Variants in SFTPD observed in about 807,000 individuals in gnomAD.
SFTPD encodes the protein surfactant protein D.
Under a neutral mutation model 34.6 loss-of-function variants are expected in SFTPD, and 18 were observed. The ratio of observed to expected loss-of-function variants is 0.52; its 90% CI spans 0.36 to 0.77. The LOEUF is 0.77. SFTPD is among the 30% of genes least tolerant of loss of function. The probability of loss-of-function intolerance (pLI) is 0.00; values close to 1 mark genes in which losing one functional copy is unlikely to be tolerated. For missense variants in SFTPD, 433 were observed against 468.9 expected (o/e 0.92, Z 0.71); for synonymous variants, 155 against 180.9 (o/e 0.86, Z 1.15).
intron 2 of SFTPD, among the ~76,000 whole-genome samples, chr10:79,946,057 C>T (rs1321751084): frequency 6.7e-6 from 1 of 148,396 alleles, no homozygotes; most frequent in Non-Finnish European, 1.5e-5. Flanking sequence ...CCATGGAGCC[C>T]CATTTTTTTC....
At chr10:79,953,694 G>T (rs1842723716), upstream of SFTPD, among the ~76,000 whole-genome samples, 1 of 151,868 alleles carries the variant, frequency 6.6e-6, no homozygotes, top group South Asian at 2.1e-4. Flanking sequence ...CCTAAATTTG[G>T]GAAGTTTAAA....
intron 1 of SFTPD, among the ~76,000 whole-genome samples, chr10:79,947,021 T>G (rs1477902001): frequency 6.6e-6 from 1 of 152,212 alleles, no homozygotes; most frequent in Non-Finnish European, 1.5e-5. Flanking sequence ...GTTCATTGAG[T>G]GCCTCTGGGC....
chr10:79,978,160 T>C (rs1057104549), intron 1 of SFTPD, among the ~76,000 whole-genome samples: 3 of 152,238 alleles, frequency 2.0e-5, no homozygotes, highest in African/African-American at 4.8e-5. Flanking sequence ...CTGTCCAAGA[T>C]GCAATGCTGT....
chr10:79,944,919 G>A (rs965765171), intron 2 of SFTPD, among the ~76,000 whole-genome samples: 2 of 152,040 alleles, frequency 1.3e-5, no homozygotes, highest in African/African-American at 4.8e-5. Context: ...CTCTGCAGGG[G>A]TGGTTGTCAC....
upstream of SFTPD, among the ~76,000 whole-genome samples, chr10:79,953,675 G>A (rs12245076): frequency 0.15 from 22,262 of 151,768 alleles, 2,067 homozygotes; most frequent in East Asian, 0.41. Flanking sequence ...CTAGATATCT[G>A]TTTCCTTCCC....
rs182707229 is a variant in SFTPD, at chr10:79,938,056, G to T, written c.924C>A (p.Asn308Lys). The T allele has an allele frequency of 6.2e-7, 1 of 1,614,012 alleles. No homozygotes were observed. Among genetic ancestry groups the T allele is most frequent in the Non-Finnish European group, 8.5e-7 (1 of 1,179,988 alleles). Residue 308 changes from asparagine to lysine, a missense_variant, in exon 8 of 8, where the codon AAC (asparagine) becomes AAA (lysine). Transcript: ENST00000372292. ...CAGTCATGCTCAGGAAAGCAGCCTCGTTCTTAGCTACGACCAGCTGTTGCA... is the reference window on the plus strand; with the variant it reads ...CAGTCATGCTCAGGAAAGCAGCCTCTTTCTTAGCTACGACCAGCTGTTGCA... ...AALQQLVVAKNEAAFLSMTDS... is the reference protein window; with the variant it reads ...AALQQLVVAKKEAAFLSMTDS...
chr10:79,952,668 G>C (rs1842716943), upstream of SFTPD, among the ~76,000 whole-genome samples: 3 of 152,132 alleles, frequency 2.0e-5, no homozygotes, highest in Admixed American at 6.5e-5. Flanking sequence ...AGTCTAAGTG[G>C]GTTCTGGGGA....
At chr10:79,960,641 A>G (rs1369722540) in intron 1 of SFTPD, among the ~76,000 whole-genome samples, 5 of 151,534 alleles carry the variant, frequency 3.3e-5, no homozygotes, top group Admixed American at 1.3e-4. Flanking sequence ...CAATGAAATA[A>G]AAGAGGATAC....
chr10:79,959,396 A>G (rs1326120965), intron 1 of SFTPD, among the ~76,000 whole-genome samples: 1 of 152,242 alleles, frequency 6.6e-6, no homozygotes, highest in African/African-American at 2.4e-5. Context: ...ATAGACTGCT[A>G]GCAAGACTAA....
intron 1 of SFTPD, 31 bp from the exon 2 acceptor site, chr10:79,946,693 T>C (rs1444349818): frequency 1.3e-6 from 2 of 1,588,872 alleles, no homozygotes; most frequent in South Asian, 2.2e-5. Context: ...AGAAAAGACA[T>C]GCTTATGCTT....
intron 3 of SFTPD, 36 bp from the exon 4 acceptor site, chr10:79,942,540 A>T: frequency 7.2e-7 from 1 of 1,389,292 alleles, no homozygotes; most frequent in Non-Finnish European, 1.0e-6. Context: ...GTAACAATGA[A>T]TCCTCTTGGC....
In SFTPD at chr10:79,978,651, CAAAAAAAAA is replaced by C. The variant is rs58759979; in HGVS notation, c.36+3915_36+3923del. ...TGGGCAGCAGAGTGACACCCTGTCT[CAAAAAAAAA>C]AAAAAAAAAAAAAAAAAGGTATAGA... On this transcript the variant is annotated intron_variant, in intron 1 of 5. Coordinates refer to the SFTPD transcript ENST00000444384. 5.4e-4 allele frequency among the ~76,000 whole-genome samples: 28 copies of C among 51,976 alleles called. 1 individual carries two copies. The highest frequency in any genetic ancestry group is 2.1e-3 in the African/African-American group (28 of 13,208). The allele number at this position is 51,976 out of a possible 152,430, so 34.1% of individuals were successfully genotyped here.
At position 79,978,191 on chromosome 10, in the gene SFTPD, T is replaced by C. The variant is rs558148537; in HGVS notation, c.36+4384A>G. On this transcript the variant is annotated intron_variant, in intron 1 of 5. Transcript: ENST00000444384. ...GCTGTTTGGTATAATCTATGGGACC[T>C]AACATAGGGGTGCAAGGATGGTTCA... 2.1e-4 allele frequency among the ~76,000 whole-genome samples: 32 copies of C among 152,334 alleles called. No individual in the cohort carries two copies. The South Asian group carries it at 6.2e-3, about 30-fold the overall frequency.
chr10:79,944,843 T>C (rs1842650185), intron 2 of SFTPD, among the ~76,000 whole-genome samples: 2 of 152,210 alleles, frequency 1.3e-5, no homozygotes, highest in South Asian at 4.2e-4. Context: ...CCACCCCTGC[T>C]CAAAGATCTC....
At chr10:79,953,711 A>G (rs7923987), upstream of SFTPD, among the ~76,000 whole-genome samples, 1,442 of 152,072 alleles carry the variant, frequency 9.5e-3, 28 homozygotes, top group African/African-American at 0.033. Flanking sequence ...TAAAGTTACT[A>G]TTTCTTTAAA....
chr10:79,937,983 C>A lies in SFTPD; in HGVS notation c.997G>T (p.Val333Phe). 1 of 1,613,830 alleles carries A rather than the reference C, an allele frequency of 6.2e-7. No homozygotes were observed. Among genetic ancestry groups the A allele is most frequent in the Non-Finnish European group, 8.5e-7 (1 of 1,179,774 alleles). ...TCCCCTGGGGCCCAGTTGGAATAGA[C>A]CAGGGACTCTCCTGTGGGGTAGGTG... Reference protein sequence around the residue: ...KFTYPTGESLVYSNWAPGEPN... With the variant: ...KFTYPTGESLFYSNWAPGEPN... Residue 333 changes from valine (V) to phenylalanine (F), a missense_variant, in exon 8 of 8, where the codon GTC becomes TTC. Val to Phe is a conservative substitution (Grantham distance 50). Coordinates refer to ENST00000372292, the MANE Select transcript of SFTPD (RefSeq NM_003019.5).
intron 7 of SFTPD, 53 bp from the exon 8 acceptor site, chr10:79,938,281 CAG>C: frequency 6.5e-7 from 1 of 1,526,786 alleles, no homozygotes. Flanking sequence ...GGCCAAAGCT[CAG>C]GGGCTGTGAG....
intron 1 of SFTPD, chr10:79,969,490 C>A (rs1842823747): frequency 1.4e-5 from 2 of 142,586 alleles, no homozygotes; most frequent in East Asian, 3.0e-4. Flanking sequence ...AAAAAAAAAT[C>A]TGGATATTAG....
At chr10:79,946,360 C>T (rs991463378) in intron 2 of SFTPD, 101 bp downstream of exon 2, 2 of 880,532 alleles carry the variant, frequency 2.3e-6, no homozygotes, top group Non-Finnish European at 3.6e-6. Context: ...GGAAGAAACA[C>T]GTCTCCAGAC....
Sources: gnomAD v4.1 joint callset for allele counts (sites outside exome capture counted in the v4.1 genomes callset) on GRCh38, gnomAD v4.1.1 for gene constraint, MANE v1.5 for transcripts, NCBI Gene and HGNC (gene_info 2026-07-23, HGNC 2026-07-21) for gene names.